Variants in GFOD2 observed in about 807,000 individuals in gnomAD.
The protein encoded by GFOD2 is glucose-fructose oxidoreductase domain-containing protein 2.
In GFOD2, 9 loss-of-function variants were observed where a neutral mutation model predicts 24.6. The observed-to-expected ratio is 0.37, with a 90% CI of 0.22 to 0.64. The LOEUF (loss-of-function observed/expected upper bound fraction) is 0.64, where lower values mean the gene tolerates loss of function less well. GFOD2 is among the 30% of genes least tolerant of loss of function. The pLI, the probability that GFOD2 is intolerant of heterozygous loss-of-function variation, is 0.65. For synonymous variants in GFOD2, 211 were observed against 224.8 expected, an observed-to-expected ratio of 0.94 and a Z score of 0.55; for missense variants, 476 against 532.5, an observed-to-expected ratio of 0.89 and a Z score of 1.04.
At chr16:67,691,449 C>T (rs1479119991) in intron 1 of GFOD2, among the ~76,000 whole-genome samples, 1 of 151,780 alleles carries the variant, frequency 6.6e-6, no homozygotes, top group Non-Finnish European at 1.5e-5. Flanking sequence ...CTCAACTGAT[C>T]TGCCCATCCT....
chr16:67,686,846 G>T (rs2053270645), intron 1 of GFOD2, among the ~76,000 whole-genome samples: 1 of 149,318 alleles, frequency 6.7e-6, no homozygotes, highest in Non-Finnish European at 1.5e-5. Context: ...AAAAAAGAAA[G>T]AAAGAAAGAA....
At chr16:67,696,320 T>A (rs1024647176) in intron 1 of GFOD2, among the ~76,000 whole-genome samples, 1 of 134,770 alleles carries the variant, frequency 7.4e-6, no homozygotes. Flanking sequence ...GCCGGGAATC[T>A]TTTTTTTTTT....
At chr16:67,679,275 C>T (rs2053206160) in intron 2 of GFOD2, among the ~76,000 whole-genome samples, 1 of 150,712 alleles carries the variant, frequency 6.6e-6, no homozygotes, top group Admixed American at 6.6e-5. Flanking sequence ...TCTTGTCGCC[C>T]AGGCTGGAGT....
chr16:67,691,871 A>G (rs2053316682), intron 1 of GFOD2, among the ~76,000 whole-genome samples: 1 of 152,170 alleles, frequency 6.6e-6, no homozygotes, highest in African/African-American at 2.4e-5. Context: ...TGAAACACCA[A>G]AGTTACCCTC....
chr16:67,683,726 C>G, intron 2 of GFOD2: 1 of 1,228,922 alleles, frequency 8.1e-7, no homozygotes, highest in East Asian at 3.2e-5. Context: ...CTATGACATT[C>G]CTCAGAATGA....
At chr16:67,697,587 C>A (rs1293546464) in intron 1 of GFOD2, among the ~76,000 whole-genome samples, 2 of 152,234 alleles carry the variant, frequency 1.3e-5, no homozygotes, top group African/African-American at 2.4e-5. Flanking sequence ...TGACCTGCTA[C>A]AACCAGCATG....
chr16:67,697,661 T>C (rs900818304), intron 1 of GFOD2, among the ~76,000 whole-genome samples: 1 of 152,130 alleles, frequency 6.6e-6, no homozygotes, highest in African/African-American at 2.4e-5. Context: ...AAAAGAGTCA[T>C]TTTGTAACAT....
At position 67,675,792 on chromosome 16, in the gene GFOD2, C is replaced by A; in HGVS notation, c.521G>T (p.Gly174Val). 6.2e-7 allele frequency: 1 copy of A among 1,614,110 alleles called. No homozygotes were observed. The highest frequency in any genetic ancestry group is 8.5e-7 in the Non-Finnish European group (1 of 1,180,040). ...AATGTAGGTCCCCATGGTGTGCAAG[C>A]CCCCGCCGCCCATGAGCTCATCACA... ...WICDELMGGG[G>V]LHTMGTYIVD... Residue 174 changes from glycine (G) to valine (V), a missense_variant, in exon 3 of 3, where the codon GGC becomes GTC. Transcript: ENST00000268797.
intron 1 of GFOD2, among the ~76,000 whole-genome samples, chr16:67,689,909 C>T (rs999531308): frequency 1.3e-5 from 2 of 152,142 alleles, no homozygotes; most frequent in African/African-American, 2.4e-5. Flanking sequence ...ACTTTAGATA[C>T]CTCATCTAAG....
intron 1 of GFOD2, among the ~76,000 whole-genome samples, chr16:67,715,876 C>A (rs992819568): frequency 2.0e-5 from 3 of 151,818 alleles, no homozygotes; most frequent in African/African-American, 7.3e-5. Context: ...TCTATGGTGG[C>A]ATGCACCTGT....
chr16:67,681,910 T>G, intron 2 of GFOD2: 1 of 985,278 alleles, frequency 1.0e-6, no homozygotes, highest in Non-Finnish European at 1.2e-6. Context: ...CTGGGCACAG[T>G]GGCTCCCACC....
At chr16:67,680,281 G>A (rs892291970) in intron 2 of GFOD2, among the ~76,000 whole-genome samples, 3 of 152,192 alleles carry the variant, frequency 2.0e-5, no homozygotes, top group African/African-American at 7.2e-5. Flanking sequence ...CACAGCTGTA[G>A]TCCCAGATAC....
intron 1 of GFOD2, among the ~76,000 whole-genome samples, chr16:67,704,860 G>GGAATCACCAGCATCAGGCTC (rs1169532793): frequency 6.6e-6 from 1 of 152,212 alleles, no homozygotes; most frequent in Non-Finnish European, 1.5e-5. Context: ...ATAGTTCTGA[G>GGAATCACCAGCATCAGGCTC]GAATCACCAG....
At chr16:67,681,223 C>A in intron 2 of GFOD2, 1 of 985,456 alleles carries the variant, frequency 1.0e-6, no homozygotes, top group Non-Finnish European at 1.2e-6. Context: ...AATTCAGAAG[C>A]CTCCTGCTAT....
At chr16:67,708,822 C>T (rs1423392317) in intron 1 of GFOD2, among the ~76,000 whole-genome samples, 1 of 152,116 alleles carries the variant, frequency 6.6e-6, no homozygotes. Context: ...AGGCACATTC[C>T]AAAAGGCCAG....
intron 1 of GFOD2, among the ~76,000 whole-genome samples, chr16:67,690,096 T>G (rs2053299557): frequency 6.6e-6 from 1 of 152,212 alleles, no homozygotes. Context: ...CTGGGTTGCT[T>G]CCATGTTTTA....
chr16:67,695,575 A>C (rs1597798223), intron 1 of GFOD2, among the ~76,000 whole-genome samples: 1 of 139,934 alleles, frequency 7.1e-6, no homozygotes. Context: ...CATTTCTGTC[A>C]CCCAGGCTGG....
In GFOD2 at chr16:67,676,000, G is replaced by A. The variant is rs552516505; in HGVS notation, c.313C>T (p.Arg105Trp). 1.6e-5 allele frequency: 26 copies of A among 1,614,002 alleles called. No individual in the cohort carries two copies. Among genetic ancestry groups the A allele is most frequent in the South Asian group, 2.2e-5 (2 of 91,058 alleles). ...EKAATSVDAF[R>W]MVTASRYYPQ... ...TAGTAGCGCGAGGCTGTCACCATCCGGAAGGCATCCACCGATGTTGCTGCC... is the reference window on the plus strand; with the variant it reads ...TAGTAGCGCGAGGCTGTCACCATCCAGAAGGCATCCACCGATGTTGCTGCC... The change falls in exon 3 of 3, where the codon CGG (arginine) becomes TGG (tryptophan). Residue 105 changes from arginine to tryptophan, a missense_variant. By Grantham distance (101) the Arg-to-Trp change is moderately radical. Transcript: ENST00000268797.
intron 1 of GFOD2, among the ~76,000 whole-genome samples, chr16:67,708,409 A>G (rs1267991629): frequency 6.6e-6 from 1 of 152,224 alleles, no homozygotes; most frequent in Non-Finnish European, 1.5e-5. Context: ...GGTGAATCCC[A>G]GCACTTGCTG....
Sources: gnomAD v4.1 joint callset for allele counts (sites outside exome capture counted in the v4.1 genomes callset) on GRCh38, gnomAD v4.1.1 for gene constraint, MANE v1.5 for transcripts, NCBI Gene and HGNC (gene_info 2026-07-23, HGNC 2026-07-21) for gene names.